DYNC1I1: variants seen among roughly 807,000 people sequenced by gnomAD.
The protein encoded by DYNC1I1 is dynein cytoplasmic 1 intermediate chain 1.
DYNC1I1 carries 43 observed loss-of-function variants against 86.6 expected under a neutral mutation model. The observed-to-expected ratio is 0.50, with a 90% CI of 0.39 to 0.64. The LOEUF is 0.64. Ranked by LOEUF, DYNC1I1 falls within the 30% of genes least tolerant of loss-of-function variation. The pLI is 0.00. For synonymous variants in DYNC1I1, 262 were observed against 283.7 expected (o/e 0.92, Z 0.77); for missense variants, 604 against 788.8 (o/e 0.77, Z 2.81).
intron 6 of DYNC1I1, among the ~76,000 whole-genome samples, chr7:95,935,025 T>A (rs1792002290): frequency 6.6e-6 from 1 of 151,880 alleles, no homozygotes; most frequent in Non-Finnish European, 1.5e-5. Context: ...CAAAAATTTG[T>A]ACCATAAATT....
chr7:96,002,630 C>A (rs1414582989), intron 10 of DYNC1I1, among the ~76,000 whole-genome samples: 1 of 152,026 alleles, frequency 6.6e-6, no homozygotes, highest in Non-Finnish European at 1.5e-5. Flanking sequence ...ATGTAGCAAT[C>A]TTTGTGTATT....
intron 14 of DYNC1I1, among the ~76,000 whole-genome samples, chr7:96,061,678 T>C (rs550026488): frequency 3.4e-4 from 51 of 148,418 alleles, no homozygotes; most frequent in African/African-American, 1.2e-3. Flanking sequence ...CCTCTCTCTC[T>C]CTCCCTCCCT....
At chr7:95,937,155 A>G (rs929212218) in intron 6 of DYNC1I1, among the ~76,000 whole-genome samples, 3 of 152,060 alleles carry the variant, frequency 2.0e-5, no homozygotes, top group Non-Finnish European at 4.4e-5. Flanking sequence ...CAATTACCAG[A>G]GGCCAGAGTA....
intron 1 of DYNC1I1, among the ~76,000 whole-genome samples, chr7:95,799,689 A>T (rs1794532428): frequency 6.9e-6 from 1 of 145,254 alleles, no homozygotes; most frequent in African/African-American, 2.6e-5. Flanking sequence ...CTTCCATTTT[A>T]TAACCCATTT....
At chr7:95,907,278 G>A (rs920645510) in intron 6 of DYNC1I1, among the ~76,000 whole-genome samples, 9 of 152,318 alleles carry the variant, frequency 5.9e-5, no homozygotes, top group African/African-American at 2.2e-4. Flanking sequence ...TCTCATGAGT[G>A]TAAGTGAGCA....
At chr7:95,812,246 T>A (rs1456438896) in intron 3 of DYNC1I1, among the ~76,000 whole-genome samples, 1 of 152,166 alleles carries the variant, frequency 6.6e-6, no homozygotes, top group African/African-American at 2.4e-5. Flanking sequence ...CAAATGGGAA[T>A]CTACATTTAC....
At chr7:95,946,447 A>G (rs767278181) in intron 6 of DYNC1I1, among the ~76,000 whole-genome samples, 3 of 152,156 alleles carry the variant, frequency 2.0e-5, no homozygotes, top group Non-Finnish European at 4.4e-5. Context: ...GTAAACATGT[A>G]GATAAATATA....
intron 14 of DYNC1I1, among the ~76,000 whole-genome samples, chr7:96,068,664 T>A (rs1208544162): frequency 6.6e-6 from 1 of 152,176 alleles, no homozygotes; most frequent in Non-Finnish European, 1.5e-5. Flanking sequence ...TAATGTGAGA[T>A]TAGCTTTGGA....
chr7:95,780,373 T>C (rs1238941496), intron 1 of DYNC1I1, among the ~76,000 whole-genome samples: 2 of 151,918 alleles, frequency 1.3e-5, no homozygotes, highest in Admixed American at 1.3e-4. Flanking sequence ...GTTCATGCTA[T>C]TCTCCTGCCT....
intron 1 of DYNC1I1, 83 bp from the exon 2 acceptor site, chr7:95,804,638 C>T (rs560474030): frequency 7.3e-6 from 10 of 1,361,942 alleles, no homozygotes; most frequent in Non-Finnish European, 9.7e-6. Flanking sequence ...TGTTAAGTTG[C>T]ATTTTCTTTA....
At chr7:95,785,793 A>G (rs200692239) in intron 1 of DYNC1I1, among the ~76,000 whole-genome samples, 21,213 of 119,722 alleles carry the variant, frequency 0.18, 2,096 homozygotes, top group South Asian at 0.29. Context: ...ATATATATAT[A>G]TATATATATA....
At chr7:96,078,085 A>G (rs1790398048) in intron 15 of DYNC1I1, among the ~76,000 whole-genome samples, 1 of 152,124 alleles carries the variant, frequency 6.6e-6, no homozygotes, top group African/African-American at 2.4e-5. Flanking sequence ...GTTGAACAAG[A>G]TTTTTCTTAA....
intron 6 of DYNC1I1, among the ~76,000 whole-genome samples, chr7:95,890,067 CAT>C (rs1452390051): frequency 6.6e-6 from 1 of 152,170 alleles, no homozygotes; most frequent in Non-Finnish European, 1.5e-5. Context: ...ACAGAACTAC[CAT>C]TCAATCCCCT....
At chr7:95,981,284 G>A (rs1793451777) in intron 7 of DYNC1I1, among the ~76,000 whole-genome samples, 1 of 151,928 alleles carries the variant, frequency 6.6e-6, no homozygotes, top group African/African-American at 2.4e-5. Flanking sequence ...AACTGACAAA[G>A]TATACATTGA....
intron 5 of DYNC1I1, among the ~76,000 whole-genome samples, chr7:95,862,979 G>A (rs894659264): frequency 3.9e-5 from 6 of 152,020 alleles, no homozygotes; most frequent in Admixed American, 6.6e-5. Flanking sequence ...TTTAAAAATT[G>A]TGATATTGTT....
At chr7:95,843,576 T>C (rs1418480975) in intron 5 of DYNC1I1, among the ~76,000 whole-genome samples, 1 of 152,220 alleles carries the variant, frequency 6.6e-6, no homozygotes, top group Non-Finnish European at 1.5e-5. Flanking sequence ...TGGGTAAATT[T>C]GGTCTCTATT....
At chr7:95,859,864 G>A (rs1789829045) in intron 5 of DYNC1I1, among the ~76,000 whole-genome samples, 1 of 152,172 alleles carries the variant, frequency 6.6e-6, no homozygotes, top group African/African-American at 2.4e-5. Context: ...TAATGAGCCT[G>A]GTGTTAGGAT....
chr7:95,875,210 G>A (rs1790278383), intron 6 of DYNC1I1, among the ~76,000 whole-genome samples: 1 of 152,042 alleles, frequency 6.6e-6, no homozygotes, highest in African/African-American at 2.4e-5. Flanking sequence ...TAGAACAATG[G>A]GTGTTTGGAT....
At chr7:95,820,855 G>A (rs558545059) in intron 4 of DYNC1I1, among the ~76,000 whole-genome samples, 5 of 152,332 alleles carry the variant, frequency 3.3e-5, no homozygotes, top group African/African-American at 4.8e-5. Flanking sequence ...TGGGATTACC[G>A]GCATGGGCCA....
Sources: allele counts gnomAD v4.1 joint callset (sites outside exome capture counted in the v4.1 genomes callset), GRCh38; gene constraint gnomAD v4.1.1; transcripts MANE v1.5; gene names NCBI Gene and HGNC (gene_info 2026-07-23, HGNC 2026-07-21).